Variants in AKT3 observed in about 807,000 individuals in gnomAD.
The protein encoded by AKT3 is AKT serine/threonine kinase 3.
AKT3 carries 15 observed loss-of-function variants against 65.3 expected under a neutral mutation model. The observed-to-expected ratio is 0.23, with a 90% CI of 0.15 to 0.35. AKT3 has a LOEUF of 0.35. Ranked by LOEUF, AKT3 falls within the 10% of genes least tolerant of loss-of-function variation. The pLI is 1.00. For synonymous variants in AKT3, 206 were observed against 183.8 expected (o/e 1.12, Z -0.98); for missense variants, 243 against 576.5 (o/e 0.42, Z 5.92).
intron 4 of AKT3, among the ~76,000 whole-genome samples, chr1:243,656,547 T>C (rs1415657575): frequency 6.6e-6 from 1 of 152,128 alleles, no homozygotes; most frequent in Non-Finnish European, 1.5e-5. Flanking sequence ...AATTCTTGAA[T>C]GTAGATGTGA....
chr1:243,569,789 A>G (rs1168951997), intron 9 of AKT3, among the ~76,000 whole-genome samples: 9 of 152,232 alleles, frequency 5.9e-5, no homozygotes, highest in Non-Finnish European at 1.2e-4. Context: ...CAATATAGTT[A>G]TATTCACCTT....
intron 6 of AKT3, among the ~76,000 whole-genome samples, chr1:243,617,300 A>G (rs1490045703): frequency 1.3e-5 from 2 of 152,138 alleles, no homozygotes. Flanking sequence ...GTTAATGGGA[A>G]AAACCAGAGA....
chr1:243,663,358 ATTATGGG>A (rs1402170026), intron 4 of AKT3, among the ~76,000 whole-genome samples: 2 of 150,852 alleles, frequency 1.3e-5, no homozygotes, highest in Non-Finnish European at 3.0e-5. Flanking sequence ...GTGATTATGG[ATTATGGG>A]TGGACATATC....
chr1:243,829,213 T>C (rs980280876), intron 2 of AKT3, among the ~76,000 whole-genome samples: 2 of 152,190 alleles, frequency 1.3e-5, no homozygotes, highest in Non-Finnish European at 1.5e-5. Flanking sequence ...TGGTTATTTC[T>C]GAGAAAGAAT....
intron 2 of AKT3, among the ~76,000 whole-genome samples, chr1:243,835,621 C>A (rs1295351555): frequency 2.0e-5 from 3 of 151,958 alleles, no homozygotes; most frequent in Non-Finnish European, 2.9e-5. Flanking sequence ...AATTTTAATA[C>A]CAAAGATATA....
intron 2 of AKT3, among the ~76,000 whole-genome samples, chr1:243,805,666 G>A (rs1021325819): frequency 3.3e-5 from 5 of 151,984 alleles, no homozygotes; most frequent in East Asian, 3.9e-4. Context: ...TGTATGTGGC[G>A]TTATTTCACT....
At chr1:243,675,218 G>T (rs1168852633) in intron 3 of AKT3, among the ~76,000 whole-genome samples, 1 of 151,322 alleles carries the variant, frequency 6.6e-6, no homozygotes, top group African/African-American at 2.4e-5. Flanking sequence ...CTTTTTTTTT[G>T]AGATGGAGCC....
At chr1:243,653,007 G>A (rs1419047699) in intron 4 of AKT3, among the ~76,000 whole-genome samples, 1 of 151,592 alleles carries the variant, frequency 6.6e-6, no homozygotes, top group East Asian at 1.9e-4. Flanking sequence ...CACAATAATA[G>A]TGGGAGAAAG....
chr1:243,744,611 CG>C (rs1336204585), intron 2 of AKT3, among the ~76,000 whole-genome samples: 1 of 150,390 alleles, frequency 6.6e-6, no homozygotes, highest in African/African-American at 2.4e-5. Context: ...TAGTGGCGGG[CG>C]CCTGTAGTCC....
At chr1:243,519,869 C>T (rs2148383140) in intron 12 of AKT3, among the ~76,000 whole-genome samples, 1 of 152,288 alleles carries the variant, frequency 6.6e-6, no homozygotes, top group Admixed American at 6.5e-5. Context: ...CCAGGATGTT[C>T]AGCTCTTTAG....
intron 2 of AKT3, among the ~76,000 whole-genome samples, chr1:243,796,353 T>C (rs1363477426): frequency 2.6e-5 from 4 of 152,184 alleles, no homozygotes; most frequent in Non-Finnish European, 5.9e-5. Context: ...AATTAGTATT[T>C]CTCAAAGTCC....
chr1:243,617,688 G>C (rs1430693090), intron 6 of AKT3, among the ~76,000 whole-genome samples: 4 of 152,074 alleles, frequency 2.6e-5, no homozygotes, highest in African/African-American at 9.7e-5. Flanking sequence ...GTGGGACATA[G>C]AGAAAGTGAT....
chr1:243,818,200 T>C (rs1185737880), intron 2 of AKT3: 2 of 152,190 alleles, frequency 1.3e-5, no homozygotes, highest in Non-Finnish European at 2.9e-5. Context: ...GCAGCCAACA[T>C]TTATGGAACA....
At chr1:243,755,704 A>G (rs369771885) in intron 2 of AKT3, among the ~76,000 whole-genome samples, 1 of 152,232 alleles carries the variant, frequency 6.6e-6, no homozygotes, top group Non-Finnish European at 1.5e-5. Context: ...ATAGCAAATC[A>G]TATTTGTAAA....
chr1:243,636,202 A>G (rs1410004158), intron 6 of AKT3, among the ~76,000 whole-genome samples: 1 of 152,054 alleles, frequency 6.6e-6, no homozygotes, highest in African/African-American at 2.4e-5. Context: ...AATAATAGTA[A>G]TAATAATTAT....
chr1:243,674,837 A>C (rs371337980), intron 3 of AKT3, among the ~76,000 whole-genome samples: 2 of 152,178 alleles, frequency 1.3e-5, no homozygotes, highest in African/African-American at 4.8e-5. Flanking sequence ...TTTTAAAAAA[A>C]TTTTCAATTC....
At chr1:243,533,124 C>T (rs1292950706) in intron 12 of AKT3, among the ~76,000 whole-genome samples, 3 of 152,186 alleles carry the variant, frequency 2.0e-5, no homozygotes, top group African/African-American at 4.8e-5. Context: ...TTCTCTATTG[C>T]TTTTCAATTA....
chr1:243,562,470 T>A (rs1367977656), intron 10 of AKT3, among the ~76,000 whole-genome samples: 1 of 152,202 alleles, frequency 6.6e-6, no homozygotes, highest in Non-Finnish European at 1.5e-5. Flanking sequence ...TTATGGCATA[T>A]GAATTGTACT....
intron 9 of AKT3, 148 bp downstream of exon 9, chr1:243,572,778 C>T: frequency 2.3e-6 from 2 of 878,972 alleles, no homozygotes; most frequent in Non-Finnish European, 1.6e-6. Context: ...AAATTTCCTT[C>T]AAATGTAGTG....
Sources: allele counts gnomAD v4.1 joint callset (sites outside exome capture counted in the v4.1 genomes callset), GRCh38; gene constraint gnomAD v4.1.1; transcripts MANE v1.5; gene names NCBI Gene and HGNC (gene_info 2026-07-23, HGNC 2026-07-21).